TNS3: variants seen among roughly 807,000 people sequenced by gnomAD.
TNS3 encodes the protein tensin-3.
In TNS3, 45 loss-of-function variants were observed where a neutral mutation model predicts 140.9. That is an observed-to-expected ratio of 0.32 (90% CI 0.25 to 0.41). The LOEUF is 0.41. TNS3 is among the 10% of genes least tolerant of loss of function. TNS3 has a pLI of 1.00. For missense variants in TNS3, 1,716 were observed against 1,906.7 expected (o/e 0.90, Z 1.86); for synonymous variants, 815 against 788.4 (o/e 1.03, Z -0.56).
chr7:47,541,370 G>GCA (rs1022574026), intron 1 of TNS3, among the ~76,000 whole-genome samples: 3 of 151,878 alleles, frequency 2.0e-5, no homozygotes, highest in Non-Finnish European at 2.9e-5. Flanking sequence ...ACACACACAT[G>GCA]CACACACACA....
chr7:47,451,313 C>T (rs1438508714), intron 4 of TNS3, among the ~76,000 whole-genome samples: 2 of 152,184 alleles, frequency 1.3e-5, no homozygotes, highest in Non-Finnish European at 2.9e-5. Flanking sequence ...GGCACAGTGG[C>T]TCACGTCTGT....
chr7:47,324,235 G>A (rs1787906709), intron 20 of TNS3, among the ~76,000 whole-genome samples: 1 of 152,120 alleles, frequency 6.6e-6, no homozygotes, highest in Non-Finnish European at 1.5e-5. Flanking sequence ...TATCTTTGTG[G>A]TAAGTCCTCA....
intron 6 of TNS3, 97 bp downstream of exon 6, chr7:47,439,390 T>C: frequency 7.3e-7 from 1 of 1,369,258 alleles, no homozygotes; most frequent in South Asian, 1.4e-5. Flanking sequence ...CTTGAGCTTC[T>C]CCCTCATGTG....
At chr7:47,332,592 C>A (rs781345115) in intron 20 of TNS3, among the ~76,000 whole-genome samples, 1 of 151,990 alleles carries the variant, frequency 6.6e-6, no homozygotes, top group Non-Finnish European at 1.5e-5. Flanking sequence ...GCACAATTCT[C>A]ATAGACAATG....
chr7:47,304,155 A>G (rs1360459916), intron 21 of TNS3, among the ~76,000 whole-genome samples: 1 of 152,194 alleles, frequency 6.6e-6, no homozygotes, highest in African/African-American at 2.4e-5. Flanking sequence ...TATCTGCCAG[A>G]TACACCATCA....
At chr7:47,448,502 C>T (rs1795861744) in intron 4 of TNS3, among the ~76,000 whole-genome samples, 2 of 120,998 alleles carry the variant, frequency 1.7e-5, no homozygotes, top group African/African-American at 7.6e-5. Context: ...TTTTTTGAGA[C>T]AGAGTCTCAC....
At chr7:47,456,334 G>T (rs1049766407) in intron 4 of TNS3, among the ~76,000 whole-genome samples, 2 of 152,124 alleles carry the variant, frequency 1.3e-5, no homozygotes, top group Admixed American at 1.3e-4. Flanking sequence ...AAACACTGCC[G>T]ACCGAGCTTT....
chr7:47,346,229 G>A lies in TNS3; in HGVS notation c.2409C>T (p.Ala803=). The part of the protein sequence containing the change: ...CAWGKAGVDY[A]PNLPPFPSPA... ...GTGAGGGGAATGGCGGCAGGTTTGG[G>A]GCATAGTCCACACCAGCCTTTCCCC... Residue 803 remains alanine (A), a synonymous_variant, in exon 18 of 31, where the codon GCC becomes GCT. Transcript: ENST00000311160. The A allele has an allele frequency of 3.1e-6, 5 of 1,614,164 alleles. No homozygotes were observed. The highest frequency in any genetic ancestry group is 2.5e-6 in the Non-Finnish European group (3 of 1,180,034).
At chr7:47,383,891 C>T (rs757872177) in intron 16 of TNS3, among the ~76,000 whole-genome samples, 5 of 152,174 alleles carry the variant, frequency 3.3e-5, no homozygotes, top group Admixed American at 6.5e-5. Context: ...CAGGGTGTGG[C>T]TTCTGAGGAG....
chr7:47,325,622 T>C (rs73695314), intron 20 of TNS3, among the ~76,000 whole-genome samples: 15,497 of 152,154 alleles, frequency 0.1, 962 homozygotes, highest in African/African-American at 0.17. Context: ...CCCTTGACTC[T>C]TACTGTAAAC....
chr7:47,530,842 T>A (rs867516965), intron 1 of TNS3, among the ~76,000 whole-genome samples: 178 of 83,146 alleles, frequency 2.1e-3, no homozygotes, highest in East Asian at 6.4e-3. Flanking sequence ...AAAAAAAATA[T>A]ATATATATAT....
At chr7:47,324,180 G>C (rs1425714077) in intron 20 of TNS3, among the ~76,000 whole-genome samples, 1 of 152,118 alleles carries the variant, frequency 6.6e-6, no homozygotes, top group African/African-American at 2.4e-5. Context: ...CTGTTTGTTG[G>C]TCAATTTATC....
intron 8 of TNS3, among the ~76,000 whole-genome samples, chr7:47,434,610 A>T (rs1795084096): frequency 6.6e-6 from 1 of 152,224 alleles, no homozygotes; most frequent in African/African-American, 2.4e-5. Flanking sequence ...GGAGCAGTAC[A>T]AAGCAGTTGA....
intron 4 of TNS3, among the ~76,000 whole-genome samples, chr7:47,480,196 C>G (rs916254476): frequency 5.3e-5 from 8 of 152,254 alleles, no homozygotes; most frequent in Non-Finnish European, 1.2e-4. Context: ...CAGAACACCC[C>G]AGATTCTGTG....
chr7:47,296,663 C>G (rs1485118229), intron 24 of TNS3, among the ~76,000 whole-genome samples: 1 of 152,116 alleles, frequency 6.6e-6, no homozygotes, highest in African/African-American at 2.4e-5. Flanking sequence ...AAGAATAGTA[C>G]TCAACAGTAT....
chr7:47,386,864 A>G (rs1190276549), intron 16 of TNS3, among the ~76,000 whole-genome samples: 1 of 152,232 alleles, frequency 6.6e-6, no homozygotes, highest in Non-Finnish European at 1.5e-5. Context: ...AAATAGCTGG[A>G]TGTTTTACAT....
At chr7:47,345,116 C>T in intron 18 of TNS3, 78 bp from the exon 19 acceptor site, 1 of 1,199,436 alleles carries the variant, frequency 8.3e-7, no homozygotes, top group Non-Finnish European at 1.2e-6. Context: ...GGTTGTGGCT[C>T]CCCCAGGCTG....
intron 17 of TNS3, among the ~76,000 whole-genome samples, chr7:47,365,394 A>C (rs1019159821): frequency 6.6e-6 from 1 of 151,672 alleles, no homozygotes; most frequent in Non-Finnish European, 1.5e-5. Context: ...GCAGTGAGCC[A>C]AGATTGTGCC....
At chr7:47,441,911 CAGAAGAAAATGATGCCATGCCCAA>C in intron 5 of TNS3, 68 bp downstream of exon 5, 1 of 929,252 alleles carries the variant, frequency 1.1e-6, no homozygotes, top group Non-Finnish European at 1.5e-6. Flanking sequence ...ATGATTTCTA[CAGAAGAAAATGATGCCATGCCCAA>C]GTTTCCTCTG....
Sources: gnomAD v4.1 joint callset for allele counts (sites outside exome capture counted in the v4.1 genomes callset) on GRCh38, gnomAD v4.1.1 for gene constraint, MANE v1.5 for transcripts, NCBI Gene and HGNC (gene_info 2026-07-23, HGNC 2026-07-21) for gene names.